Variants in UBR4 observed in about 807,000 individuals in gnomAD.
UBR4 encodes E3 ubiquitin-protein ligase UBR4.
A neutral mutation model predicts 575.6 loss-of-function variants in UBR4; 124 were observed. The ratio of observed to expected loss-of-function variants is 0.22; its 90% CI spans 0.19 to 0.25. The LOEUF (loss-of-function observed/expected upper bound fraction) is 0.25. UBR4 is among the 10% of genes least tolerant of loss of function. UBR4 has a pLI of 1.00. For synonymous variants in UBR4, 2,455 were observed against 2,473.7 expected (o/e 0.99, Z 0.22); for missense variants, 4,818 against 6,478.8 (o/e 0.74, Z 8.80).
Position 19,118,892 on chromosome 1 carries a change from G to A in UBR4, c.10521C>T (p.His3507=), listed in dbSNP as rs2080877401. ...CTCACTTATAAATGTTCGAGTTGGGGTGGTTGGTAAGAATATGGTTTTGAG... is the reference window on the plus strand; with the variant it reads ...CTCACTTATAAATGTTCGAGTTGGGATGGTTGGTAAGAATATGGTTTTGAG... ...LRTQNHILTN[H]PNSNIYNTLS... is the part of the protein sequence containing the mutation. The change falls in exon 71 of 106, where the codon CAC becomes CAT. Residue 3507 remains histidine (H), a synonymous_variant. Transcript: ENST00000375254. 6.2e-7 allele frequency: 1 copy of A among 1,614,206 alleles called. No individual in the cohort carries two copies. Among genetic ancestry groups the A allele is most frequent in the Admixed American group, 1.7e-5 (1 of 60,022 alleles).
At chr1:19,095,111 C>A in intron 93 of UBR4, 86 bp from the exon 94 acceptor site, 1 of 1,587,494 alleles carries the variant, frequency 6.3e-7, no homozygotes, top group Non-Finnish European at 8.6e-7. Flanking sequence ...GATGCCCTCA[C>A]AGCCTTACTC....
In UBR4 at chr1:19,168,131, C is replaced by T; in HGVS notation, c.3795G>A (p.Val1265=). The T allele has an allele frequency of 6.2e-7, 1 of 1,611,580 alleles. No individual in the cohort carries two copies. Among genetic ancestry groups the T allele is most frequent in the Middle Eastern group, 1.7e-4 (1 of 6,054 alleles). ...AGAGAGTCCCCAGGTGTGCAGCCTG[C>T]ACTGCACTAATATAACTCTCTGAAG... ...TIPSESYISA[V]QAAHLGTLCS... The change falls in exon 28 of 106, where the codon GTG becomes GTA. Residue 1265 remains valine (V), a synonymous_variant. Transcript: ENST00000375254.
intron 9 of UBR4, 104 bp from the exon 10 acceptor site, chr1:19,192,644 C>T: frequency 8.6e-7 from 1 of 1,167,224 alleles, no homozygotes; most frequent in African/African-American, 1.5e-5. Flanking sequence ...TCAATATCCT[C>T]TTTTCAATGA....
chr1:19,204,688 T>C (rs1190378559), intron 1 of UBR4, among the ~76,000 whole-genome samples: 1 of 152,060 alleles, frequency 6.6e-6, no homozygotes, highest in African/African-American at 2.4e-5. Context: ...AAGATAGACA[T>C]TGGCAGAGGA....
rs144957631 is a variant in UBR4, at chr1:19,176,623, T to C, written c.2742A>G (p.Val914=). The change falls in exon 20 of 106, where the codon GTA becomes GTG. Residue 914 remains valine (V), a synonymous_variant. Transcript: ENST00000375254. ...AGAAATGCTTAGACCAGTTTTCTTC[T>C]ACTTCTTTGAATCCATGATAGAGAG... ...TTPLYHGFKE[V]EENWSKHFSS... 2,703 of 1,614,004 alleles carry C rather than the reference T, an allele frequency of 1.7e-3. 7 individuals are homozygous for C. The highest frequency in any genetic ancestry group is 3.6e-3 in the Admixed American group (214 of 60,024).
Position 19,117,254 on chromosome 1 carries a change from C to T in UBR4, c.10790G>A (p.Arg3597Gln), listed in dbSNP as rs777253203. 3 of 1,614,042 alleles carry T rather than the reference C, an allele frequency of 1.9e-6. No individual in the cohort carries two copies. Among genetic ancestry groups the T allele is most frequent in the Non-Finnish European group, 2.5e-6 (3 of 1,180,000 alleles). ...VRTINLYYNN[R>Q]TVQAIVELKN... is the part of the protein sequence containing the mutation. Reference sequence around the variant, plus strand: ...CAACTCCACGATGGCCTGCACGGTTCGGTTGTTATAATACAGGTTGATGGT... The same window carrying T: ...CAACTCCACGATGGCCTGCACGGTTTGGTTGTTATAATACAGGTTGATGGT... The change falls in exon 73 of 106, where the codon CGA becomes CAA. Residue 3597 changes from arginine to glutamine, a missense_variant. Around this residue, in one of 29 missense-constraint regions of UBR4, gnomAD observed 550 missense variants for 791.5 expected, o/e 0.69. Transcript: ENST00000375254. The surrounding 1 kb of genome is among the most constrained non-coding windows in gnomAD (Gnocchi z 4.0).
chr1:19,113,839 A>G lies in UBR4; in HGVS notation c.11329-12T>C, dbSNP rs376022862. 2 of 1,614,154 alleles carry G rather than the reference A, an allele frequency of 1.2e-6. No individual in the cohort carries two copies. The highest frequency in any genetic ancestry group is 2.2e-5 in the South Asian group (2 of 91,066). ...GTTCCTGAGTCATCCTGCAACCCCA[A>G]GAGGTAAGCTGTCAGGCTCCCCACC... On this transcript the variant is annotated splice_polypyrimidine_tract_variant and intron_variant, in intron 76 of 105. Transcript: ENST00000375254.
chr1:19,170,662 T>G lies in UBR4; in HGVS notation c.3643+100A>C, dbSNP rs1288303505. The stretch of plus-strand genomic sequence containing the variant: ...TGCTTGATACACAAAAAGGCTCCAA[T>G]AAATAGTAAACGCCAGTAGGCACCA... On this transcript the variant is annotated intron_variant, in intron 26 of 105. Coordinates refer to ENST00000375254, the MANE Select transcript of UBR4 (RefSeq NM_020765.3). 4 of 1,520,448 alleles carry G rather than the reference T, an allele frequency of 2.6e-6. No homozygotes were observed. The African/African-American group carries it at 5.6e-5, about 21-fold the overall frequency. The allele number at this position is 1,520,448 out of a possible 1,614,324, so 94.2% of individuals were successfully genotyped here.
rs138382303 is a variant in UBR4 at position 19,168,065 on chromosome 1, G to C, written c.3861C>G (p.Thr1287=). Residue 1287 remains threonine (T), a synonymous_variant, in exon 28 of 106, where the codon ACC becomes ACG. Transcript: ENST00000375254. The stretch of plus-strand genomic sequence containing the variant: ...CAGTCAACCTGACCAGTGAGAGGAG[G>C]GTATGCTTCAGGGAAGCAGCCAGGG... ...SLPLAASLKH[T]LLSLVRLTGD... 677 of 1,613,678 alleles carry C rather than the reference G, an allele frequency of 4.2e-4. No individual in the cohort carries two copies. Among genetic ancestry groups the C allele is most frequent in the Middle Eastern group, 9.9e-4 (6 of 6,060 alleles).
chr1:19,105,129 C>A lies in UBR4; in HGVS notation c.12564G>T (p.Gln4188His). 6.2e-7 allele frequency: 1 copy of A among 1,614,110 alleles called. No individual in the cohort carries two copies. Among genetic ancestry groups the A allele is most frequent in the Non-Finnish European group, 8.5e-7 (1 of 1,180,016 alleles). ...ECAAEYLALY[Q>H]KLITSAHWKV... is the part of the protein sequence containing the mutation. ...TCCAGTGCGCAGAAGTGATGAGCTT[C>A]TGGTAGAGAGCCAGGTACTCAGCTG... The change falls in exon 85 of 106, where the codon CAG (glutamine) becomes CAT (histidine). Residue 4188 changes from glutamine to histidine, a missense_variant. By Grantham distance (24) the Gln-to-His change is conservative. Around this residue, in one of 29 missense-constraint regions of UBR4, gnomAD observed 178 missense variants for 175.5 expected, o/e 1.01. Transcript: ENST00000375254.
chr1:19,197,813 TA>T lies in UBR4; in HGVS notation c.752-3del. The T allele has an allele frequency of 6.2e-7, 1 of 1,614,050 alleles. No homozygotes were observed. The highest frequency in any genetic ancestry group is 8.5e-7 in the Non-Finnish European group (1 of 1,179,958). On this transcript the variant is annotated splice_polypyrimidine_tract_variant and splice_region_variant and intron_variant, in intron 6 of 105. Transcript: ENST00000375254. The stretch of plus-strand genomic sequence containing the variant: ...CACGCAGTAGCTTCTCCGAGCCACC[TA>T]AATGAATGAAAACCACAACCTTACA...
chr1:19,149,162 T>A lies in UBR4; in HGVS notation c.7431-536A>T, dbSNP rs80267753. Among the ~76,000 whole-genome samples the A allele has an allele frequency of 5.4e-3, 818 of 152,278 alleles. 4 individuals carry two copies. The highest frequency in any genetic ancestry group is 8.8e-3 in the Non-Finnish European group (601 of 68,010). ...ACATTCAAGGGGTAAATACAAAGCA[T>A]CTTTAGAAAACTTTTCCCCTTAGGA... is the stretch of plus-strand genomic sequence containing the variant. On this transcript the variant is annotated intron_variant, in intron 49 of 105. Transcript: ENST00000375254.
chr1:19,165,248 C>T lies in UBR4; in HGVS notation c.4312+1G>A. ...GAAGATTACTAAAAGCTGTCACTCA[C>T]TCAGCTGGAAGAGTTTGGTGAAGAA... On this transcript the variant is annotated splice_donor_variant, in intron 31 of 105. Coordinates refer to ENST00000375254, the MANE Select transcript of UBR4 (RefSeq NM_020765.3). LOFTEE classifies it high-confidence loss of function. The T allele has an allele frequency of 6.2e-7, 1 of 1,612,928 alleles. No homozygotes were observed. The highest frequency in any genetic ancestry group is 2.2e-5 in the East Asian group (1 of 44,884).
rs1222454459 is a variant in UBR4, at chr1:19,100,430, CT to C, written c.13166del (p.Lys4389ArgfsTer8). ...CCACTAAGTCACAGTCCTGGCAAAT[CT>C]TGTTCTTTATATCCCTCATCAGCGG... The part of the protein sequence containing the change: ...IGPLMRDIKN[K>X]ICQDCDLVAL... On this transcript the variant is annotated frameshift_variant, in exon 89 of 106. Coordinates refer to ENST00000375254, the MANE Select transcript of UBR4 (RefSeq NM_020765.3). LOFTEE classifies it high-confidence loss of function. The surrounding 1 kb of genome is among the most constrained non-coding windows in gnomAD (Gnocchi z 4.2). The C allele has an allele frequency of 6.2e-7, 1 of 1,614,074 alleles. No individual in the cohort carries two copies. The highest frequency in any genetic ancestry group is 1.3e-5 in the African/African-American group (1 of 74,932).
rs1284097466 is a variant in UBR4, at chr1:19,114,680, G to C, written c.11202+131C>G. 6 of 1,179,144 alleles carry C rather than the reference G, an allele frequency of 5.1e-6. 1 individual carries two copies. Among genetic ancestry groups the C allele is most frequent in the African/African-American group, 1.5e-5 (1 of 65,506 alleles). The allele number at this position is 1,179,144 out of a possible 1,614,324, so 73.0% of individuals were successfully genotyped here. A position where few individuals can be genotyped will look rare whatever the true frequency, so the allele number is the denominator to read the frequency against. On this transcript the variant is annotated intron_variant, in intron 75 of 105. Coordinates refer to ENST00000375254, the MANE Select transcript of UBR4 (RefSeq NM_020765.3). ...TGCCATTCTTTGCTCCCACCCAAAAGCTGGGCCCTGAAACTGGTGTTGAGT... is the reference window on the plus strand; with the variant it reads ...TGCCATTCTTTGCTCCCACCCAAAACCTGGGCCCTGAAACTGGTGTTGAGT...
intron 99 of UBR4, 110 bp from the exon 100 acceptor site, chr1:19,086,931 G>C: frequency 1.4e-6 from 2 of 1,464,524 alleles, no homozygotes; most frequent in Admixed American, 4.7e-5. Context: ...TTGGGTTTCA[G>C]GTTGCTCTCA....
intron 60 of UBR4, among the ~76,000 whole-genome samples, chr1:19,137,710 A>C (rs889595430): frequency 3.3e-5 from 5 of 152,220 alleles, no homozygotes; most frequent in African/African-American, 1.2e-4. Context: ...GAAACTGGAA[A>C]GATTTGAGTA....
intron 76 of UBR4, 37 bp downstream of exon 76, chr1:19,113,908 A>G: frequency 5.6e-6 from 9 of 1,614,172 alleles, no homozygotes; most frequent in African/African-American, 1.3e-5. Flanking sequence ...TCAAGACCCA[A>G]GCCCTTATCC....
chr1:19,081,770 C>T (rs552767421), intron 102 of UBR4, 197 bp from the exon 103 acceptor site: 3 of 726,012 alleles, frequency 4.1e-6, no homozygotes, highest in South Asian at 1.5e-5. Context: ...CTTCCAGGCC[C>T]TTCTTCGCGG....
Sources: allele counts gnomAD v4.1 joint callset (sites outside exome capture counted in the v4.1 genomes callset), GRCh38; gene constraint gnomAD v4.1.1; regional missense constraint gnomAD v4.1.1; non-coding constraint Gnocchi (gnomAD v3.1); transcripts MANE v1.5; gene names NCBI Gene and HGNC (gene_info 2026-07-23, HGNC 2026-07-21).